POLR2H: variants seen among roughly 807,000 people sequenced by gnomAD.
POLR2H encodes RNA polymerase II, I and III subunit H.
POLR2H carries 3 observed loss-of-function variants against 18.1 expected under a neutral mutation model. The observed-to-expected ratio is 0.17, with a 90% CI of 0.08 to 0.43. POLR2H has a LOEUF of 0.43. Ranked by LOEUF, POLR2H falls within the 20% of genes least tolerant of loss-of-function variation. The pLI is 0.99. For missense variants in POLR2H, 103 were observed against 184.6 expected (o/e 0.56, Z 2.56); for synonymous variants, 76 against 69.0 (o/e 1.10, Z -0.50).
intron 4 of POLR2H, chr3:184,365,470 G>A (rs1713069444): frequency 2.0e-6 from 1 of 500,646 alleles, no homozygotes; most frequent in South Asian, 2.9e-5. Flanking sequence ...AGACCAGCCT[G>A]AGCAACATAG....
chr3:184,363,684 A>T (rs1712721114), intron 2 of POLR2H, 119 bp downstream of exon 2: 1 of 695,370 alleles, frequency 1.4e-6, no homozygotes, highest in African/African-American at 1.8e-5. Flanking sequence ...TGGTGTAGGG[A>T]CCTCCCTCAG....
Position 184,368,476 on chromosome 3 carries a change from G to T in POLR2H, c.*182G>T, listed in dbSNP as rs1277403672. 6.4e-6 allele frequency: 3 copies of T among 469,634 alleles called. No individual in the cohort carries two copies. The highest frequency in any genetic ancestry group is 1.0e-4 in the South Asian group (2 of 20,056). 29.1% of individuals were successfully genotyped at this position (469,634 alleles called of 1,614,324 possible). ...CTCGCCTGTGAAAGACACAGTGGGA[G>T]AGCTGAAAATGAATCAGAAGCTTTA... is the stretch of plus-strand genomic sequence containing the variant. On this transcript the variant is annotated 3_prime_UTR_variant, in exon 6 of 6. Coordinates refer to ENST00000456318, the MANE Select transcript of POLR2H (RefSeq NM_006232.5).
intron 2 of POLR2H, chr3:184,364,678 T>C (rs975821933): frequency 3.5e-5 from 17 of 487,074 alleles, no homozygotes; most frequent in Non-Finnish European, 6.2e-5. Context: ...AGAGAAAACC[T>C]TTGGATGATT....
At chr3:184,367,092 TTGTGTGTGTGTGTG>T (rs10575340) in intron 5 of POLR2H, among the ~76,000 whole-genome samples, 8 of 147,854 alleles carry the variant, frequency 5.4e-5, no homozygotes, top group Admixed American at 1.4e-4. Context: ...CTGTTAGGCT[TTGTGTGTGTGTGTG>T]TGTGTGTGTG....
In POLR2H at chr3:184,363,011, C is replaced by T. The variant is rs564858127; in HGVS notation, c.-482C>T. On this transcript the variant is annotated 5_prime_UTR_variant, in exon 2 of 6. Transcript: ENST00000456318. ...ACCTCTGGGGCGGGGTTCTGCTCCA[C>T]CTGCCCTCGGCGCGGACTGTGCCCT... 14 of 208,568 alleles carry T rather than the reference C, an allele frequency of 6.7e-5. No individual in the cohort carries two copies. The highest frequency in any genetic ancestry group is 2.3e-4 in the South Asian group (4 of 17,306). The allele number at this position is 208,568 out of a possible 1,614,324, so 12.9% of individuals were successfully genotyped here.
rs1053435935 is a variant in POLR2H, at chr3:184,363,653, C to T, written c.73+88C>T. The T allele has an allele frequency of 9.4e-6, 9 of 960,626 alleles. No homozygotes were observed. In the Admixed American group the frequency reaches 1.6e-4, roughly 17 times the overall value. The allele number at this position is 960,626 out of a possible 1,614,324, so 59.5% of individuals were successfully genotyped here. A position where few individuals can be genotyped will look rare whatever the true frequency, so the allele number is the denominator to read the frequency against. On this transcript the variant is annotated intron_variant, in intron 2 of 5. Transcript: ENST00000456318. ...CCCCGTGTCCACCCAGCTCTTGTGGCCTGCCCCTACCAGCAGGTCCTGGTG... is the reference window on the plus strand; with the variant it reads ...CCCCGTGTCCACCCAGCTCTTGTGGTCTGCCCCTACCAGCAGGTCCTGGTG...
chr3:184,363,365 TC>T lies in POLR2H; in HGVS notation c.-127del, dbSNP rs1687446351. The stretch of plus-strand genomic sequence containing the variant: ...GCTTGTTTGTGCGCATGCGCCACTC[TC>T]GTCTGGCCGCCGCGCTTTCAGGAGG... On this transcript the variant is annotated 5_prime_UTR_variant, in exon 2 of 6. An upstream open reading frame in the 5' UTR gains an earlier in-frame stop. Coordinates refer to ENST00000456318, the MANE Select transcript of POLR2H (RefSeq NM_006232.5). The T allele has an allele frequency of 1.3e-6, 1 of 766,584 alleles. No individual in the cohort carries two copies. The highest frequency in any genetic ancestry group is 1.7e-5 in the African/African-American group (1 of 58,674). 47.5% of individuals were successfully genotyped at this position (766,584 alleles called of 1,614,324 possible). A position where few individuals can be genotyped will look rare whatever the true frequency, so the allele number is the denominator to read the frequency against.
At position 184,366,682 on chromosome 3, in the gene POLR2H, C is replaced by T. The variant is rs376210363; in HGVS notation, c.252-35C>T. ...ATGGGATCTTTTATATTGTTAATTA[C>T]TGTTAAGAATAACTTTGCTGCTATT... On this transcript the variant is annotated intron_variant, in intron 4 of 5. Transcript: ENST00000456318. The T allele has an allele frequency of 7.2e-4, 862 of 1,205,198 alleles. 2 individuals are homozygous for T. Among genetic ancestry groups the T allele is most frequent in the Admixed American group, 1.0e-3 (59 of 59,292 alleles). The allele number at this position is 1,205,198 out of a possible 1,614,324, so 74.7% of individuals were successfully genotyped here.
rs1445372077 is a variant in POLR2H, at chr3:184,362,930, GCCGAGCCGGC to G, written c.-560_-551del. ...TCCGGCTCGGGTTACGTCCAGCAGG[GCCGAGCCGGC>G]CCAGGCCGGCCCCGGGGTCCTCGGT... is the stretch of plus-strand genomic sequence containing the variant. On this transcript the variant is annotated 5_prime_UTR_variant, in exon 2 of 6. The change abolishes the stop of an existing upstream ORF in the 5' untranslated region. Coordinates refer to ENST00000456318, the MANE Select transcript of POLR2H (RefSeq NM_006232.5). The surrounding 1 kb of genome is among the most constrained non-coding windows in gnomAD (Gnocchi z 5.9). 1 of 164,408 alleles carries G rather than the reference GCCGAGCCGGC, an allele frequency of 6.1e-6. No individual in the cohort carries two copies. Among genetic ancestry groups the G allele is most frequent in the African/African-American group, 2.4e-5 (1 of 41,476 alleles). 10.2% of individuals were successfully genotyped at this position (164,408 alleles called of 1,614,324 possible).
intron 4 of POLR2H, 127 bp from the exon 5 acceptor site, chr3:184,366,590 G>A (rs1713338493): frequency 5.2e-6 from 3 of 580,846 alleles, no homozygotes; most frequent in Non-Finnish European, 6.4e-6. Context: ...TGCCCGCCTT[G>A]GCCTCCCAAA....
rs1270109068 is a variant in POLR2H at position 184,362,139 on chromosome 3, TC to T, written c.-625del. On this transcript the variant is annotated 5_prime_UTR_variant, in exon 1 of 6. It removes the in-frame stop codon of an upstream open reading frame in the 5' UTR. Coordinates refer to ENST00000456318, the MANE Select transcript of POLR2H (RefSeq NM_006232.5). This position sits in a 1 kb window ranked among gnomAD's most constrained non-coding sequence, Gnocchi z 5.9. ...TCCTCATCCTTCCTTTTCTCGGGGC[TC>T]CCGTGGGTAGGTGCACTTGGAGCAA... 1 of 151,818 alleles carries T rather than the reference TC, an allele frequency of 6.6e-6. No homozygotes were observed. Among genetic ancestry groups the T allele is most frequent in the African/African-American group, 2.4e-5 (1 of 41,310 alleles). 9.4% of individuals were successfully genotyped at this position (151,818 alleles called of 1,614,324 possible). A position where few individuals can be genotyped will look rare whatever the true frequency, so the allele number is the denominator to read the frequency against.
In POLR2H at chr3:184,363,416, T is replaced by C; in HGVS notation, c.-77T>C. 1 of 1,239,604 alleles carries C rather than the reference T, an allele frequency of 8.1e-7. No individual in the cohort carries two copies. The highest frequency in any genetic ancestry group is 1.2e-6 in the Non-Finnish European group (1 of 847,078). 76.8% of individuals were successfully genotyped at this position (1,239,604 alleles called of 1,614,324 possible). A position where few individuals can be genotyped will look rare whatever the true frequency, so the allele number is the denominator to read the frequency against. On this transcript the variant is annotated 5_prime_UTR_variant, in exon 2 of 6. Transcript: ENST00000456318. ...GTGCTTTTGGTTCTCTCCGGTCTTG[T>C]CCACGCTAGGGGGTGCACGTACTCC...
intron 5 of POLR2H, among the ~76,000 whole-genome samples, chr3:184,367,790 G>A (rs960589268): frequency 6.6e-5 from 10 of 151,900 alleles, no homozygotes; most frequent in African/African-American, 2.2e-4. Flanking sequence ...GTGCCCGGCC[G>A]GTGTAAAGCT....
Position 184,365,207 on chromosome 3 carries a change from A to G in POLR2H, c.232A>G (p.Thr78Ala). The change falls in exon 4 of 6, where the codon ACT becomes GCT. Residue 78 changes from threonine to alanine, a missense_variant. By Grantham distance (58) the Thr-to-Ala change is moderately conservative. Coordinates refer to ENST00000456318, the MANE Select transcript of POLR2H (RefSeq NM_006232.5). Reference protein sequence around the residue: ...GTLDDGEYNPTDDRPSRADQF... With the variant: ...GTLDDGEYNPADDRPSRADQF... The stretch of plus-strand genomic sequence containing the variant: ...CCTGGATGATGGTGAATACAACCCC[A>G]CTGATGATAGGCCTTCCAGGTGAGG... 6.2e-7 allele frequency: 1 copy of G among 1,610,330 alleles called. No individual in the cohort carries two copies. The highest frequency in any genetic ancestry group is 8.5e-7 in the Non-Finnish European group (1 of 1,176,510).
chr3:184,368,125 A>G (rs1360623563), intron 5 of POLR2H, 52 bp from the exon 6 acceptor site: 8 of 1,613,436 alleles, frequency 5.0e-6, no homozygotes, highest in Non-Finnish European at 6.8e-6. Context: ...TGAGATTGAG[A>G]GCTGCTGAGT....
chr3:184,368,453 C>T lies in POLR2H; in HGVS notation c.*159C>T, dbSNP rs752809413. On this transcript the variant is annotated 3_prime_UTR_variant, in exon 6 of 6. Coordinates refer to ENST00000456318, the MANE Select transcript of POLR2H (RefSeq NM_006232.5). The stretch of plus-strand genomic sequence containing the variant: ...GCCTCCACTCAATGGGAAACTGACT[C>T]GCCTGTGAAAGACACAGTGGGAGAG... 1.7e-4 allele frequency: 89 copies of T among 520,716 alleles called. No individual in the cohort carries two copies. The highest frequency in any genetic ancestry group is 2.6e-4 in the Non-Finnish European group (76 of 297,676). 32.3% of individuals were successfully genotyped at this position (520,716 alleles called of 1,614,324 possible).
At chr3:184,365,704 T>A (rs1166131470) in intron 4 of POLR2H, among the ~76,000 whole-genome samples, 1 of 149,528 alleles carries the variant, frequency 6.7e-6, no homozygotes, top group Non-Finnish European at 1.5e-5. Context: ...CCGGGCGCGG[T>A]GGCTCACGCC....
At chr3:184,364,656 C>T in intron 2 of POLR2H, 1 of 428,522 alleles carries the variant, frequency 2.3e-6, no homozygotes, top group South Asian at 3.3e-5. Context: ...CAGCACAGTG[C>T]CTAGCATAGA....
At position 184,362,880 on chromosome 3, in the gene POLR2H, A is replaced by T. The variant is rs913619307; in HGVS notation, c.-613A>T. On this transcript the variant is annotated 5_prime_UTR_variant, in exon 2 of 6. It removes an upstream start codon present in the reference 5' UTR. Transcript: ENST00000456318. This position sits in a 1 kb window ranked among gnomAD's most constrained non-coding sequence, Gnocchi z 5.9. ...CTTTCCTCTTCTCCATAGCGACGTC[A>T]TGGCAAATTCCCAAACTGGACGGAT... 2.5e-4 allele frequency: 40 copies of T among 157,676 alleles called. No homozygotes were observed. Among genetic ancestry groups the T allele is most frequent in the African/African-American group, 9.4e-4 (39 of 41,556 alleles). The allele number at this position is 157,676 out of a possible 1,614,324, so 9.8% of individuals were successfully genotyped here. A position where few individuals can be genotyped will look rare whatever the true frequency, so the allele number is the denominator to read the frequency against.
Sources: allele counts gnomAD v4.1 joint callset (sites outside exome capture counted in the v4.1 genomes callset), GRCh38; gene constraint gnomAD v4.1.1; non-coding constraint Gnocchi (gnomAD v3.1); transcripts MANE v1.5; gene names NCBI Gene and HGNC (gene_info 2026-07-23, HGNC 2026-07-21).